Variants in KRT72 observed in about 807,000 individuals in gnomAD.
KRT72 encodes keratin, type II cytoskeletal 72.
A neutral mutation model predicts 44.7 loss-of-function variants in KRT72; 44 were observed. The observed-to-expected ratio is 0.98, with a 90% confidence interval of 0.77 to 1.27. The LOEUF is 1.27. KRT72 is among the 50% of genes most tolerant of loss of function. The pLI is 0.00. For synonymous variants in KRT72, 302 were observed against 280.4 expected, an observed-to-expected ratio of 1.08 and a Z score of -0.77; for missense variants, 736 against 667.1, an observed-to-expected ratio of 1.10 and a Z score of -1.14.
At chr12:52,601,974 A>G (rs947298957), upstream of KRT72, among the ~76,000 whole-genome samples, 1 of 152,214 alleles carries the variant, frequency 6.6e-6, no homozygotes, top group Non-Finnish European at 1.5e-5. Context: ...CTGGATGAGG[A>G]CAGCTCTGTC....
At chr12:52,598,789 TC>T in intron 2 of KRT72, 108 bp downstream of exon 2, 1 of 886,474 alleles carries the variant, frequency 1.1e-6, no homozygotes, top group Admixed American at 1.8e-5. Flanking sequence ...TGGATGTTCC[TC>T]CCTCCCCCGG....
intron 1 of KRT72, 85 bp from the exon 2 acceptor site, chr12:52,599,197 GC>G: frequency 7.7e-7 from 1 of 1,306,228 alleles, no homozygotes; most frequent in Non-Finnish European, 1.1e-6. Flanking sequence ...ACCAGAGGCA[GC>G]CATCCTGGGG....
At position 52,587,646 on chromosome 12, in the gene KRT72, T is replaced by C. The variant is rs753871950; in HGVS notation, c.1295A>G (p.Glu432Gly). The C allele has an allele frequency of 7.4e-6, 12 of 1,614,058 alleles. No individual in the cohort carries two copies. The Admixed American group carries it at 1.8e-4, about 25-fold the overall frequency. Residue 432 changes from glutamate to glycine, a missense_variant, in exon 7 of 9, where the codon GAG becomes GGG. Coordinates refer to ENST00000293745, the MANE Select transcript of KRT72 (RefSeq NM_080747.3). The stretch of plus-strand genomic sequence containing the variant: ...GGCCCCTCACCTGCACTCCTCGCTC[T>C]CCAGCAGCTTGCGGTAGGTGGCGAT... Reference protein sequence around the residue: ...MEIATYRKLLESEECRMSGEY... With the variant: ...MEIATYRKLLGSEECRMSGEY...
intron 2 of KRT72, among the ~76,000 whole-genome samples, chr12:52,595,014 A>C (rs1940187303): frequency 6.6e-6 from 1 of 152,238 alleles, no homozygotes; most frequent in South Asian, 2.1e-4. Context: ...AAAAAGATTA[A>C]TAATGTCTAC....
chr12:52,599,400 C>T (rs373644776), intron 1 of KRT72: 1 of 509,150 alleles, frequency 2.0e-6, no homozygotes, highest in Non-Finnish European at 3.8e-6. Context: ...GCTATAAATG[C>T]TGGTGTTTTC....
At chr12:52,590,772 A>C (rs1384074283) in intron 6 of KRT72, 64 bp downstream of exon 6, 1 of 1,472,496 alleles carries the variant, frequency 6.8e-7, no homozygotes, top group Non-Finnish European at 9.2e-7. Flanking sequence ...CTTTCTTCAT[A>C]TTCTGTCTGG....
chr12:52,598,771 A>G (rs1407315672), intron 2 of KRT72, 127 bp downstream of exon 2: 5 of 767,116 alleles, frequency 6.5e-6, no homozygotes, highest in East Asian at 2.5e-5. Context: ...TCCTAGTTCC[A>G]TTCTGTCTGG....
At chr12:52,593,319 G>A (rs1015080328) in intron 2 of KRT72, among the ~76,000 whole-genome samples, 2 of 151,996 alleles carry the variant, frequency 1.3e-5, no homozygotes, top group African/African-American at 4.8e-5. Context: ...AATGGCTCAG[G>A]GTGCAAAAAC....
intron 5 of KRT72, 99 bp downstream of exon 5, chr12:52,591,359 TACACAC>T: frequency 8.9e-7 from 1 of 1,126,940 alleles, no homozygotes; most frequent in Non-Finnish European, 1.2e-6. Context: ...TGAGCCCAAA[TACACAC>T]ACACACACAA....
At chr12:52,590,288 C>A (rs1939948835) in intron 6 of KRT72, among the ~76,000 whole-genome samples, 1 of 152,224 alleles carries the variant, frequency 6.6e-6, no homozygotes, top group African/African-American at 2.4e-5. Flanking sequence ...TGAGCCCGAT[C>A]TGGGTTGTGG....
At chr12:52,587,893 G>A (rs758355540) in intron 6 of KRT72, 42 bp from the exon 7 acceptor site, 9 of 1,569,550 alleles carry the variant, frequency 5.7e-6, no homozygotes, top group Non-Finnish European at 7.8e-6. Flanking sequence ...TCAGAGCCCA[G>A]TTCTGAGATC....
intron 3 of KRT72, 97 bp downstream of exon 3, chr12:52,592,795 T>G (rs1940094985): frequency 3.9e-6 from 4 of 1,029,692 alleles, no homozygotes; most frequent in Admixed American, 4.2e-5. Flanking sequence ...CCCAAGGGAC[T>G]GAGTGACCTA....
In KRT72 at chr12:52,586,019, G is replaced by T; in HGVS notation, c.1499C>A (p.Ser500Ter). 6.2e-7 allele frequency: 1 copy of T among 1,613,980 alleles called. No homozygotes were observed. Residue 500 changes from serine (S) to a stop codon, truncating the protein, a stop_gained, in exon 9 of 9, where the codon TCG becomes TAG. Coordinates refer to ENST00000293745, the MANE Select transcript of KRT72 (RefSeq NM_080747.3). LOFTEE classifies it high-confidence loss of function. ...CTTTTTGGTGGCACAGCTGCTCCCCGAGGTTTTGGCAAGGGGATCCTTGAG... is the reference window on the plus strand; with the variant it reads ...CTTTTTGGTGGCACAGCTGCTCCCCTAGGTTTTGGCAAGGGGATCCTTGAG... Reference protein sequence around the residue: ...SELKDPLAKTSGSSCATKKAS... With the variant: ...SELKDPLAKT
At chr12:52,588,483 C>T (rs148085010) in intron 6 of KRT72, among the ~76,000 whole-genome samples, 16 of 152,256 alleles carry the variant, frequency 1.1e-4, no homozygotes, top group African/African-American at 2.9e-4. Flanking sequence ...GGGAACAATG[C>T]ACACTGGAGC....
intron 2 of KRT72, among the ~76,000 whole-genome samples, chr12:52,593,892 A>C (rs530521056): frequency 1.1e-3 from 162 of 152,294 alleles, no homozygotes; most frequent in Non-Finnish European, 1.9e-3. Context: ...GAAATGAGGA[A>C]TTAGTGTTAA....
rs1362233694 is a variant in KRT72 at position 52,590,551 on chromosome 12, T to C, written c.1089+285A>G. On this transcript the variant is annotated intron_variant, in intron 6 of 8. Coordinates refer to ENST00000293745, the MANE Select transcript of KRT72 (RefSeq NM_080747.3). ...GCACATCACTACCTAGGCCCATTGC[T>C]CCTGCGGGCTCCTTCACCTGCTCCT... is the stretch of plus-strand genomic sequence containing the variant. 5.9e-5 allele frequency among the ~76,000 whole-genome samples: 9 copies of C among 152,146 alleles called. No homozygotes were observed. In the East Asian group the frequency reaches 1.4e-3, roughly 23 times the overall value.
At chr12:52,600,424 G>A (rs765892018) in intron 1 of KRT72, among the ~76,000 whole-genome samples, 8 of 152,126 alleles carry the variant, frequency 5.3e-5, no homozygotes, top group Non-Finnish European at 8.8e-5. Flanking sequence ...AAGAAATGAA[G>A]GTCCTTGATA....
intron 8 of KRT72, 21 bp downstream of exon 8, chr12:52,586,925 C>A: frequency 1.2e-6 from 2 of 1,611,202 alleles, no homozygotes; most frequent in Non-Finnish European, 1.7e-6. Flanking sequence ...AAGGGCAGAA[C>A]TGAGATCTGC....
At position 52,601,427 on chromosome 12, in the gene KRT72, G is replaced by C. The variant is rs770298667; in HGVS notation, c.26C>G (p.Pro9Arg). The change falls in exon 1 of 9, where the codon CCC becomes CGC. Residue 9 changes from proline (P) to arginine (R), a missense_variant. Pro to Arg is a moderately radical substitution (Grantham distance 103, BLOSUM62 -2). Coordinates refer to ENST00000293745, the MANE Select transcript of KRT72 (RefSeq NM_080747.3). The stretch of plus-strand genomic sequence containing the variant: ...GCTGAAGCCCAGGCGCTCCCCGCGG[G>C]GGAAATGGGTCAGTTGGCGGCTCAT... MSRQLTHFPRGERLGFSGC... is the reference protein window; with the variant it reads MSRQLTHFRRGERLGFSGC... 1.3e-6 allele frequency: 2 copies of C among 1,539,082 alleles called. No homozygotes were observed. Among genetic ancestry groups the C allele is most frequent in the East Asian group, 2.4e-5 (1 of 41,110 alleles).
Sources: gnomAD v4.1 joint callset for allele counts (sites outside exome capture counted in the v4.1 genomes callset) on GRCh38, gnomAD v4.1.1 for gene constraint, MANE v1.5 for transcripts, NCBI Gene and HGNC (gene_info 2026-07-23, HGNC 2026-07-21) for gene names.